The following MACROD2 variants were observed in gnomAD, a reference collection of about 807,000 sequenced individuals.
MACROD2 encodes mono-ADP ribosylhydrolase 2.
Under a neutral mutation model 70.4 loss-of-function variants are expected in MACROD2, and 36 were observed. The observed-to-expected ratio is 0.51, with a 90% confidence interval of 0.39 to 0.68. MACROD2 has a LOEUF of 0.68. Ranked by LOEUF, MACROD2 falls within the 30% of genes least tolerant of loss-of-function variation. The pLI, the probability that MACROD2 is intolerant of heterozygous loss-of-function variation, is 0.00. For missense variants in MACROD2, 496 were observed against 538.4 expected, an observed-to-expected ratio of 0.92 and a Z score of 0.78; for synonymous variants, 172 against 178.8, an observed-to-expected ratio of 0.96 and a Z score of 0.30.
intron 3 of MACROD2, among the ~76,000 whole-genome samples, chr20:14,190,699 T>TATATATATATATATATA (rs1491544961): frequency 6.4e-5 from 1 of 15,706 alleles, no homozygotes; most frequent in African/African-American, 1.8e-4. Flanking sequence ...TATATATATA[T>TATATATATATATATATA]TTTTTTTTTT....
chr20:15,055,576 G>T (rs184769276), intron 5 of MACROD2, among the ~76,000 whole-genome samples: 1 of 152,308 alleles, frequency 6.6e-6, no homozygotes, highest in East Asian at 1.9e-4. Flanking sequence ...TACATGACAG[G>T]AAGGTAAATT....
chr20:15,248,076 C>T (rs1213489664), intron 6 of MACROD2, among the ~76,000 whole-genome samples: 4 of 152,164 alleles, frequency 2.6e-5, no homozygotes, highest in Non-Finnish European at 5.9e-5. Context: ...TCAAGCACCA[C>T]CCTCTGGGAC....
intron 10 of MACROD2, among the ~76,000 whole-genome samples, chr20:15,898,966 AC>A (rs2065019217): frequency 6.6e-6 from 1 of 151,902 alleles, no homozygotes; most frequent in African/African-American, 2.4e-5. Flanking sequence ...GTATACACAT[AC>A]CTATATGTGT....
At chr20:14,903,303 A>C (rs935082277) in intron 5 of MACROD2, among the ~76,000 whole-genome samples, 1 of 151,936 alleles carries the variant, frequency 6.6e-6, no homozygotes, top group African/African-American at 2.4e-5. Flanking sequence ...GGCCTCCCAA[A>C]GTGCTGGGAT....
chr20:15,570,422 T>C (rs933196274), intron 8 of MACROD2, among the ~76,000 whole-genome samples: 21 of 152,162 alleles, frequency 1.4e-4, no homozygotes, highest in Non-Finnish European at 2.9e-4. Context: ...TCAGTCTTGA[T>C]GGGGGACGGA....
chr20:15,326,420 G>A (rs895422726), intron 6 of MACROD2, among the ~76,000 whole-genome samples: 3 of 151,876 alleles, frequency 2.0e-5, no homozygotes, highest in Admixed American at 2.0e-4. Context: ...TATAAAAGAT[G>A]TTTTATCCAT....
At chr20:15,748,450 C>T (rs6043507) in intron 8 of MACROD2, among the ~76,000 whole-genome samples, 14,953 of 151,544 alleles carry the variant, frequency 0.099, 1,153 homozygotes, top group African/African-American at 0.22. Context: ...GAAAACTTCT[C>T]TATTATCCCC....
chr20:15,775,033 T>C (rs2051698106), intron 8 of MACROD2, among the ~76,000 whole-genome samples: 1 of 152,152 alleles, frequency 6.6e-6, no homozygotes, highest in South Asian at 2.1e-4. Context: ...GTGGCCATTC[T>C]GACGGGCTGA....
At chr20:15,750,674 T>C (rs62194679) in intron 8 of MACROD2, among the ~76,000 whole-genome samples, 17,118 of 152,002 alleles carry the variant, frequency 0.11, 1,100 homozygotes, top group Admixed American at 0.14. Flanking sequence ...CCCATGTTTA[T>C]TGCAGCCCTG....
chr20:14,027,506 A>G lies in MACROD2; in HGVS notation c.163+25102A>G, dbSNP rs573692542. On this transcript the variant is annotated intron_variant, in intron 2 of 17. Coordinates refer to ENST00000684519, the MANE Select transcript of MACROD2 (RefSeq NM_001351661.2). Reference sequence around the variant, plus strand: ...TCTGTCCCATTTTGTTCCCTTGCTGACGAGGAGTTGTGATCCTTGGGAGGA... The same window carrying G: ...TCTGTCCCATTTTGTTCCCTTGCTGGCGAGGAGTTGTGATCCTTGGGAGGA... Among the ~76,000 whole-genome samples the G allele has an allele frequency of 2.0e-5, 3 of 152,162 alleles. No homozygotes were observed. The East Asian group carries it at 5.8e-4, about 30-fold the overall frequency.
intron 3 of MACROD2, among the ~76,000 whole-genome samples, chr20:14,359,218 CCTAGATTGAGAGATCATGAAT>C (rs2083200274): frequency 6.6e-6 from 1 of 151,110 alleles, no homozygotes; most frequent in African/African-American, 2.4e-5. Context: ...ACAAAAAACA[CCTAGATTGAGAGATCATGAAT>C]AATTATCTGT....
At chr20:15,948,790 A>G (rs1388961931) in intron 12 of MACROD2, among the ~76,000 whole-genome samples, 1 of 152,206 alleles carries the variant, frequency 6.6e-6, no homozygotes, top group Non-Finnish European at 1.5e-5. Context: ...ACTTTTCCTT[A>G]CTAATTAAGT....
chr20:15,756,769 A>G (rs987600026), intron 8 of MACROD2, among the ~76,000 whole-genome samples: 11 of 152,224 alleles, frequency 7.2e-5, no homozygotes, highest in Admixed American at 2.0e-4. Flanking sequence ...GAAATGTTTA[A>G]TGTCTATGCA....
rs6042987 is a variant in MACROD2, at chr20:14,904,450, C to T, written c.418+219491C>T. Among the ~76,000 whole-genome samples, 410 of 152,096 alleles carry T rather than the reference C, an allele frequency of 2.7e-3. 3 individuals carry two copies. Among genetic ancestry groups the T allele is most frequent in the African/African-American group, 9.1e-3 (377 of 41,496 alleles). ...TTAGAATATTATGTTTCAAATATAA[C>T]TTAAAAATATATAGGTGGGTACATA... is the stretch of plus-strand genomic sequence containing the variant. On this transcript the variant is annotated intron_variant, in intron 5 of 17. Transcript: ENST00000684519.
chr20:14,898,976 T>C (rs1363724308), intron 5 of MACROD2, among the ~76,000 whole-genome samples: 3 of 152,210 alleles, frequency 2.0e-5, no homozygotes, highest in African/African-American at 4.8e-5. Flanking sequence ...CTAGTATTTT[T>C]CTCTTTGTTT....
chr20:15,169,801 A>C (rs1488101053), intron 5 of MACROD2, among the ~76,000 whole-genome samples: 1 of 151,990 alleles, frequency 6.6e-6, no homozygotes, highest in Non-Finnish European at 1.5e-5. Context: ...AGATGTGGGC[A>C]TTTCCCTCAG....
intron 4 of MACROD2, among the ~76,000 whole-genome samples, chr20:14,544,713 A>G (rs972481689): frequency 5.3e-5 from 8 of 152,266 alleles, no homozygotes; most frequent in Non-Finnish European, 8.8e-5. Context: ...GCAGAGAAGG[A>G]AAAAAGCCAA....
chr20:14,143,642 A>T (rs2054905991), intron 3 of MACROD2, among the ~76,000 whole-genome samples: 1 of 152,152 alleles, frequency 6.6e-6, no homozygotes, highest in Non-Finnish European at 1.5e-5. Flanking sequence ...ATTGAATAGC[A>T]GAAGTGTATG....
intron 5 of MACROD2, among the ~76,000 whole-genome samples, chr20:14,834,291 G>GA (rs1016998489): frequency 7.3e-5 from 11 of 151,582 alleles, no homozygotes; most frequent in African/African-American, 2.7e-4. Flanking sequence ...AACTTCAGAG[G>GA]AAACACTAGA....
Sources: gnomAD v4.1 joint callset for allele counts (sites outside exome capture counted in the v4.1 genomes callset) on GRCh38, gnomAD v4.1.1 for gene constraint, MANE v1.5 for transcripts, NCBI Gene and HGNC (gene_info 2026-07-23, HGNC 2026-07-21) for gene names.